Variants in ADAMTS18 observed in about 807,000 individuals in gnomAD.
ADAMTS18 encodes the protein ADAM metallopeptidase with thrombospondin type 1 motif 18.
A neutral mutation model predicts 165.9 loss-of-function variants in ADAMTS18; 157 were observed. That is an observed-to-expected ratio of 0.95 (90% confidence interval 0.83 to 1.08). The LOEUF is 1.08. Among genes scored for constraint, ADAMTS18 ranks in the 50% least tolerant of loss-of-function variants. The pLI is 0.00. For missense variants in ADAMTS18, 2,040 were observed against 1,534.0 expected (o/e 1.33, Z -5.51); for synonymous variants, 782 against 578.2 (o/e 1.35, Z -5.06).
At chr16:77,423,512 A>G (rs1211336022) in intron 3 of ADAMTS18, among the ~76,000 whole-genome samples, 1 of 152,154 alleles carries the variant, frequency 6.6e-6, no homozygotes. Flanking sequence ...TCAATTAAGC[A>G]TCCATAGCCC....
At chr16:77,330,205 C>T (rs1201064105) in intron 12 of ADAMTS18, among the ~76,000 whole-genome samples, 1 of 152,194 alleles carries the variant, frequency 6.6e-6, no homozygotes, top group Admixed American at 6.6e-5. Context: ...TTCCTCCTAA[C>T]TCCATGAGCT....
At chr16:77,398,462 G>C (rs1032679408) in intron 3 of ADAMTS18, among the ~76,000 whole-genome samples, 4 of 152,174 alleles carry the variant, frequency 2.6e-5, no homozygotes, top group Non-Finnish European at 5.9e-5. Flanking sequence ...AGTGATCAAA[G>C]CTGCCAGACA....
At chr16:77,429,917 T>C (rs190118560) in intron 3 of ADAMTS18, among the ~76,000 whole-genome samples, 4 of 152,314 alleles carry the variant, frequency 2.6e-5, no homozygotes, top group Admixed American at 2.6e-4. Flanking sequence ...AACTAAGGCA[T>C]AGTTAACTCT....
chr16:77,435,000 C>G lies in ADAMTS18; in HGVS notation c.-305G>C. The G allele has an allele frequency of 4.0e-6, 1 of 247,644 alleles. No individual in the cohort carries two copies. The highest frequency in any genetic ancestry group is 7.7e-6 in the Non-Finnish European group (1 of 130,434). 15.3% of individuals were successfully genotyped at this position (247,644 alleles called of 1,614,324 possible). ...GGGAGACTGTCGGTGTCTGCCCGCCCGTCTGTGCGTCTGTCTGTGTCGGTG... is the reference window on the plus strand; with the variant it reads ...GGGAGACTGTCGGTGTCTGCCCGCCGGTCTGTGCGTCTGTCTGTGTCGGTG... On this transcript the variant is annotated 5_prime_UTR_variant, in exon 1 of 23. Coordinates refer to ENST00000282849, the MANE Select transcript of ADAMTS18 (RefSeq NM_199355.4).
chr16:77,352,046 T>G (rs1192095472), intron 10 of ADAMTS18, among the ~76,000 whole-genome samples: 1 of 152,186 alleles, frequency 6.6e-6, no homozygotes, highest in Non-Finnish European at 1.5e-5. Flanking sequence ...TTTGTTAGTT[T>G]TTACAGAAGG....
At chr16:77,371,125 G>A (rs2056870216) in intron 3 of ADAMTS18, among the ~76,000 whole-genome samples, 1 of 152,012 alleles carries the variant, frequency 6.6e-6, no homozygotes, top group Non-Finnish European at 1.5e-5. Context: ...TGAGCTGGGA[G>A]GATTGCCTTA....
chr16:77,367,475 C>A lies in ADAMTS18; in HGVS notation c.744G>T (p.Leu248Phe). 3 of 1,614,222 alleles carry A rather than the reference C, an allele frequency of 1.9e-6. No individual in the cohort carries two copies. In the South Asian group the frequency reaches 3.3e-5, roughly 18 times the overall value. ...GTCGTCCACAAAAATGCTGCTTTTG[C>A]AACCTTCGATGGTGATACTCTGTCT... is the stretch of plus-strand genomic sequence containing the variant. ...SRETEYHHRR[L>F]QKQHFCGRRK... Residue 248 changes from leucine to phenylalanine, a missense_variant, in exon 4 of 23, where the codon TTG (leucine) becomes TTT (phenylalanine). Physicochemically the swap from Leu to Phe is conservative, Grantham distance 22. Transcript: ENST00000282849.
At chr16:77,367,162 C>G (rs2056807101) in intron 4 of ADAMTS18, among the ~76,000 whole-genome samples, 2 of 152,136 alleles carry the variant, frequency 1.3e-5, no homozygotes, top group South Asian at 4.1e-4. Context: ...AATCTAGGTA[C>G]TTTTCTCGGA....
At chr16:77,389,795 C>T (rs1293572219) in intron 3 of ADAMTS18, among the ~76,000 whole-genome samples, 1 of 152,174 alleles carries the variant, frequency 6.6e-6, no homozygotes, top group African/African-American at 2.4e-5. Context: ...GACAGGAGCT[C>T]AGTTGCTTGC....
chr16:77,432,769 A>T (rs1206763985), intron 2 of ADAMTS18, among the ~76,000 whole-genome samples: 1 of 125,586 alleles, frequency 8.0e-6, no homozygotes, highest in Non-Finnish European at 1.9e-5. Flanking sequence ...CCCTCCTCCA[A>T]TAAAAAAAAA....
intron 20 of ADAMTS18, 117 bp from the exon 21 acceptor site, chr16:77,291,595 C>G: frequency 8.0e-6 from 8 of 1,002,544 alleles, no homozygotes; most frequent in Non-Finnish European, 1.3e-5. Flanking sequence ...TGGGATTACA[C>G]AAGGTCAACC....
At chr16:77,346,504 A>G (rs1210811585) in intron 10 of ADAMTS18, among the ~76,000 whole-genome samples, 1 of 152,226 alleles carries the variant, frequency 6.6e-6, no homozygotes, top group Non-Finnish European at 1.5e-5. Flanking sequence ...CCTGGCAAAC[A>G]GTATATGCTA....
At chr16:77,364,637 G>C (rs759508321) in intron 4 of ADAMTS18, among the ~76,000 whole-genome samples, 2 of 147,962 alleles carry the variant, frequency 1.4e-5, no homozygotes, top group African/African-American at 2.5e-5. Context: ...TGGATGAGTG[G>C]ATGGATGGAT....
At position 77,321,160 on chromosome 16, in the gene ADAMTS18, C is replaced by A; in HGVS notation, c.2206G>T (p.Asp736Tyr). Residue 736 changes from aspartate to tyrosine, a missense_variant, in exon 15 of 23, where the codon GAT (aspartate) becomes TAT (tyrosine). Coordinates refer to ENST00000282849, the MANE Select transcript of ADAMTS18 (RefSeq NM_199355.4). Reference sequence around the variant, plus strand: ...TCACCTTTGCAAACGCCACAAGCATCTGAAACTGCTTTAGAGCCTAGTTCA... The same window carrying A: ...TCACCTTTGCAAACGCCACAAGCATATGAAACTGCTTTAGAGCCTAGTTCA... ...DHELGSKAVS[D>Y]ACGVCKGDNS... 1.2e-6 allele frequency: 2 copies of A among 1,614,184 alleles called. No individual in the cohort carries two copies. The highest frequency in any genetic ancestry group is 1.7e-6 in the Non-Finnish European group (2 of 1,180,026).
At chr16:77,308,518 C>T (rs1567470050) in intron 16 of ADAMTS18, among the ~76,000 whole-genome samples, 1 of 151,056 alleles carries the variant, frequency 6.6e-6, no homozygotes, top group Non-Finnish European at 1.5e-5. Flanking sequence ...AGTAAGATAC[C>T]TCATCTCTAG....
chr16:77,354,998 G>A (rs1454932835), intron 9 of ADAMTS18, among the ~76,000 whole-genome samples: 2 of 152,120 alleles, frequency 1.3e-5, no homozygotes, highest in Non-Finnish European at 1.5e-5. Flanking sequence ...GGCATATGTG[G>A]TTAGATATCT....
At chr16:77,324,159 A>G (rs528717367) in intron 13 of ADAMTS18, among the ~76,000 whole-genome samples, 3 of 152,366 alleles carry the variant, frequency 2.0e-5, no homozygotes, top group Admixed American at 6.5e-5. Context: ...AACCAAAAGC[A>G]AAGAACAGAA....
At chr16:77,375,890 C>CTTTTTTTTTTTTTTTTTTTTTTTT (rs200629744) in intron 3 of ADAMTS18, among the ~76,000 whole-genome samples, 3 of 93,902 alleles carry the variant, frequency 3.2e-5, no homozygotes, top group Non-Finnish European at 6.2e-5. Flanking sequence ...TCTTTCTTTC[C>CTTTTTTTTTTTTTTTTTTTTTTTT]TTTTTTTTTT....
chr16:77,397,599 C>G (rs961797119), intron 3 of ADAMTS18, among the ~76,000 whole-genome samples: 1 of 152,132 alleles, frequency 6.6e-6, no homozygotes, highest in Non-Finnish European at 1.5e-5. Flanking sequence ...AAACTGCCCA[C>G]TATACAGAGC....
Sources: gnomAD v4.1 joint callset for allele counts (sites outside exome capture counted in the v4.1 genomes callset) on GRCh38, gnomAD v4.1.1 for gene constraint, MANE v1.5 for transcripts, NCBI Gene and HGNC (gene_info 2026-07-23, HGNC 2026-07-21) for gene names.